Variants in SMIM14 observed in about 807,000 individuals in gnomAD.
SMIM14 encodes the protein small integral membrane protein 14.
A neutral mutation model predicts 12.6 loss-of-function variants in SMIM14; 5 were observed. The ratio of observed to expected loss-of-function variants is 0.40; its 90% CI spans 0.21 to 0.83. SMIM14 has a LOEUF of 0.83. Ranked by LOEUF, SMIM14 falls within the 40% of genes least tolerant of loss-of-function variation. SMIM14 has a pLI of 0.37. For missense variants in SMIM14, 86 were observed against 119.1 expected (o/e 0.72, Z 1.29); for synonymous variants, 30 against 40.1 (o/e 0.75, Z 0.95).
At chr4:39,559,666 C>T (rs947400586) in intron 3 of SMIM14, among the ~76,000 whole-genome samples, 2 of 152,062 alleles carry the variant, frequency 1.3e-5, no homozygotes, top group Admixed American at 6.6e-5. Context: ...GTGATAAAAG[C>T]GGACAAAGTC....
intron 1 of SMIM14, among the ~76,000 whole-genome samples, chr4:39,605,765 G>C (rs1450029318): frequency 1.3e-5 from 2 of 152,156 alleles, no homozygotes; most frequent in Non-Finnish European, 2.9e-5. Flanking sequence ...TTTTTAGACA[G>C]AGTCTCGCTC....
At chr4:39,615,401 GA>G (rs1200137259) in intron 1 of SMIM14, among the ~76,000 whole-genome samples, 6 of 152,104 alleles carry the variant, frequency 3.9e-5, no homozygotes, top group African/African-American at 1.4e-4. Flanking sequence ...TGAATGGGGG[GA>G]TTTTTAGGGC....
Position 39,552,078 on chromosome 4 carries a change from G to T in SMIM14, c.*48C>A. On this transcript the variant is annotated 3_prime_UTR_variant, in exon 5 of 5. Coordinates refer to ENST00000295958, the MANE Select transcript of SMIM14 (RefSeq NM_174921.3). Reference sequence around the variant, plus strand: ...AAGAGTACTCTGGTCATCTTCGTTCGTTTGGTCGTGCAAGGTGTTAACTAT... The same window carrying T: ...AAGAGTACTCTGGTCATCTTCGTTCTTTTGGTCGTGCAAGGTGTTAACTAT... The T allele has an allele frequency of 6.6e-7, 1 of 1,517,518 alleles. No homozygotes were observed. The highest frequency in any genetic ancestry group is 8.9e-7 in the Non-Finnish European group (1 of 1,119,658). 94.0% of individuals were successfully genotyped at this position (1,517,518 alleles called of 1,614,324 possible). A position where few individuals can be genotyped will look rare whatever the true frequency, so the allele number is the denominator to read the frequency against.
chr4:39,564,848 G>A (rs2109996008), intron 3 of SMIM14, among the ~76,000 whole-genome samples: 1 of 152,302 alleles, frequency 6.6e-6, no homozygotes, highest in South Asian at 2.1e-4. Flanking sequence ...GAGCCTGTGG[G>A]ATGTTCATGG....
chr4:39,629,164 C>G (rs1715815884), intron 1 of SMIM14, among the ~76,000 whole-genome samples: 1 of 151,442 alleles, frequency 6.6e-6, no homozygotes, highest in South Asian at 2.1e-4. Context: ...AGTTCGAGAC[C>G]AGCCCGGCTA....
At chr4:39,622,024 AT>A (rs1715515463) in intron 1 of SMIM14, among the ~76,000 whole-genome samples, 1 of 151,534 alleles carries the variant, frequency 6.6e-6, no homozygotes, top group African/African-American at 2.4e-5. Flanking sequence ...TCACAACATA[AT>A]GTTAAAAGTA....
At chr4:39,561,076 G>A (rs6531724) in intron 3 of SMIM14, among the ~76,000 whole-genome samples, 145,664 of 151,916 alleles carry the variant, frequency 0.96, 70,124 homozygotes, top group East Asian at 1. Context: ...GAGTTTCCCT[G>A]TGTGAAATGC....
At chr4:39,580,767 C>T (rs577573294) in intron 2 of SMIM14, among the ~76,000 whole-genome samples, 4 of 151,978 alleles carry the variant, frequency 2.6e-5, no homozygotes, top group Non-Finnish European at 5.9e-5. Context: ...CCTCATGATC[C>T]GCCCACCTCA....
In SMIM14 at chr4:39,619,167, T is replaced by C. The variant is rs1006567485; in HGVS notation, c.-35-13987A>G. The stretch of plus-strand genomic sequence containing the variant: ...ATTGAGATAATTATAATTTAATTTA[T>C]TATATATACCAATAAATATAATTTA... On this transcript the variant is annotated intron_variant, in intron 1 of 4. Transcript: ENST00000295958. 3.4e-5 allele frequency among the ~76,000 whole-genome samples: 5 copies of C among 148,092 alleles called. No individual in the cohort carries two copies. In the East Asian group the frequency reaches 9.8e-4, roughly 29 times the overall value.
At chr4:39,565,632 G>T (rs1712531944) in intron 3 of SMIM14, among the ~76,000 whole-genome samples, 1 of 152,150 alleles carries the variant, frequency 6.6e-6, no homozygotes, top group Non-Finnish European at 1.5e-5. Flanking sequence ...CCACTGAAGA[G>T]TTCTGAGCAA....
chr4:39,629,513 G>A (rs1451257430), intron 1 of SMIM14, among the ~76,000 whole-genome samples: 1 of 149,008 alleles, frequency 6.7e-6, no homozygotes, highest in Non-Finnish European at 1.5e-5. Flanking sequence ...TGTAATCATG[G>A]CTCACTGCAT....
intron 1 of SMIM14, chr4:39,638,415 A>G: frequency 1.0e-6 from 1 of 960,036 alleles, no homozygotes; most frequent in East Asian, 1.2e-4. Context: ...TTTTTACTCC[A>G]TGATACGCCT....
At chr4:39,625,063 CAA>C in intron 1 of SMIM14, among the ~76,000 whole-genome samples, 1 of 149,562 alleles carries the variant, frequency 6.7e-6, no homozygotes, top group South Asian at 2.1e-4. Context: ...AAAAAAAAGA[CAA>C]AAGTTAGCTG....
chr4:39,556,457 G>A lies in SMIM14; in HGVS notation c.238C>T (p.Leu80=). Residue 80 remains leucine, a synonymous_variant, in exon 4 of 5, where the codon CTA becomes TTA. Coordinates refer to ENST00000295958, the MANE Select transcript of SMIM14 (RefSeq NM_174921.3). Reference sequence around the variant, plus strand: ...TGAGGACTGGTTGGCTTTCCAGGTAGGCTGGATCCTCTTAGATTAGGAGGT... The same window carrying A: ...TGAGGACTGGTTGGCTTTCCAGGTAAGCTGGATCCTCTTAGATTAGGAGGT... ...LRPPNLRGSS[L]PGKPTSPHNG... 6.2e-7 allele frequency: 1 copy of A among 1,612,760 alleles called. No homozygotes were observed. Among genetic ancestry groups the A allele is most frequent in the Non-Finnish European group, 8.5e-7 (1 of 1,179,674 alleles).
intron 1 of SMIM14, among the ~76,000 whole-genome samples, chr4:39,624,841 A>G (rs1309796485): frequency 1.4e-5 from 2 of 147,912 alleles, no homozygotes; most frequent in Non-Finnish European, 3.0e-5. Flanking sequence ...AAAACTTCCT[A>G]TTCGTTCTTA....
At chr4:39,611,523 A>C (rs1715033966) in intron 1 of SMIM14, among the ~76,000 whole-genome samples, 1 of 151,000 alleles carries the variant, frequency 6.6e-6, no homozygotes, top group East Asian at 1.9e-4. Context: ...AAAAAAAAAC[A>C]ATTAGCCAGG....
At chr4:39,597,783 C>G (rs1042245935) in intron 2 of SMIM14, among the ~76,000 whole-genome samples, 5 of 152,138 alleles carry the variant, frequency 3.3e-5, no homozygotes, top group Admixed American at 2.6e-4. Flanking sequence ...AGCTGTACCT[C>G]ACTACATCAT....
intron 1 of SMIM14, among the ~76,000 whole-genome samples, chr4:39,611,293 G>A (rs926694598): frequency 6.6e-6 from 1 of 152,210 alleles, no homozygotes; most frequent in African/African-American, 2.4e-5. Context: ...ATCACCTGAG[G>A]TCAGGAGTTC....
rs1227393921 is a variant in SMIM14 at position 39,548,299 on chromosome 4, A to C, written c.*3827T>G. 2 of 152,212 alleles carry C rather than the reference A, an allele frequency of 1.3e-5. No individual in the cohort carries two copies. The highest frequency in any genetic ancestry group is 2.9e-5 in the Non-Finnish European group (2 of 68,048). 9.4% of individuals were successfully genotyped at this position (152,212 alleles called of 1,614,324 possible). Reference sequence around the variant, plus strand: ...AACAAAACAAACAAACAAATGCAACAAAACAACCTCCCACTATTATTGTGC... The same window carrying C: ...AACAAAACAAACAAACAAATGCAACCAAACAACCTCCCACTATTATTGTGC... On this transcript the variant is annotated 3_prime_UTR_variant, in exon 5 of 5. Coordinates refer to ENST00000295958, the MANE Select transcript of SMIM14 (RefSeq NM_174921.3).
Sources: allele counts gnomAD v4.1 joint callset (sites outside exome capture counted in the v4.1 genomes callset), GRCh38; gene constraint gnomAD v4.1.1; transcripts MANE v1.5; gene names NCBI Gene and HGNC (gene_info 2026-07-23, HGNC 2026-07-21).